DOCK9: variants seen among roughly 807,000 people sequenced by gnomAD.
DOCK9 encodes dedicator of cytokinesis 9, also known as dedicator of cytokinesis protein 9.
In DOCK9, 89 loss-of-function variants were observed where a neutral mutation model predicts 263.3. The ratio of observed to expected loss-of-function variants is 0.34; its 90% CI spans 0.28 to 0.40. The LOEUF (loss-of-function observed/expected upper bound fraction) is 0.40, where lower values mean the gene tolerates loss of function less well. DOCK9 is among the 10% of genes least tolerant of loss of function. The pLI, the probability that DOCK9 is intolerant of heterozygous loss-of-function variation, is 1.00. For missense variants in DOCK9, 2,140 were observed against 2,603.4 expected, an observed-to-expected ratio of 0.82 and a Z score of 3.87; for synonymous variants, 976 against 973.1, an observed-to-expected ratio of 1.00 and a Z score of -0.06.
At chr13:98,950,146 A>C in intron 2 of DOCK9, 1 of 606,332 alleles carries the variant, frequency 1.6e-6, no homozygotes, top group South Asian at 1.9e-5. Flanking sequence ...TCTCTGCACC[A>C]GTGAAGTCAC....
chr13:98,874,704 C>G (rs1314305494), intron 27 of DOCK9, among the ~76,000 whole-genome samples: 2 of 152,286 alleles, frequency 1.3e-5, no homozygotes, highest in East Asian at 3.9e-4. Context: ...TTTAAAATGT[C>G]TGGTGAATCT....
chr13:99,023,516 A>C (rs1292685052), intron 1 of DOCK9, among the ~76,000 whole-genome samples: 2 of 152,250 alleles, frequency 1.3e-5, no homozygotes, highest in Non-Finnish European at 2.9e-5. Flanking sequence ...GGTCAGATTT[A>C]CAGTTTCAGA....
intron 18 of DOCK9, among the ~76,000 whole-genome samples, 182 bp downstream of exon 18, chr13:98,887,976 C>T (rs946454764): frequency 6.6e-6 from 1 of 151,998 alleles, no homozygotes; most frequent in African/African-American, 2.4e-5. Context: ...GGAGCCAGAA[C>T]CTAAATATTC....
chr13:98,831,653 T>C lies in DOCK9; in HGVS notation c.4448A>G (p.Tyr1483Cys), dbSNP rs2092769805. The change falls in exon 40 of 53, where the codon TAT becomes TGT. Residue 1483 changes from tyrosine to cysteine, a missense_variant. Coordinates refer to ENST00000682017, the MANE Select transcript of DOCK9 (RefSeq NM_001366683.2). Reference sequence around the variant, plus strand: ...ACTGCCCATGAAGCAACTTACCTTATAAATTAAGGACCTTAAGGCAGTGAA... The same window carrying C: ...ACTGCCCATGAAGCAACTTACCTTACAAATTAAGGACCTTAAGGCAGTGAA... ...NVFTALRSLI[Y>C]KFPSTFYEGR... is the part of the protein sequence containing the mutation. 4 of 1,612,386 alleles carry C rather than the reference T, an allele frequency of 2.5e-6. No homozygotes were observed. The Admixed American group carries it at 5.0e-5, about 20-fold the overall frequency.
Position 99,023,532 on chromosome 13 carries a change from A to G in DOCK9, c.129+62691T>C, listed in dbSNP as rs573382268. Among the ~76,000 whole-genome samples, 27 of 152,372 alleles carry G rather than the reference A, an allele frequency of 1.8e-4. No individual in the cohort carries two copies. In the East Asian group the frequency reaches 5.2e-3, roughly 29 times the overall value. On this transcript the variant is annotated intron_variant, in intron 1 of 32. Coordinates refer to the DOCK9 transcript ENST00000427887. ...GTCAGATTTACAGTTTCAGAAGATG[A>G]AAAAGTTCTGGAGATGAATGGTGAT...
At chr13:98,874,310 T>G (rs752347665) in intron 27 of DOCK9, among the ~76,000 whole-genome samples, 6 of 152,270 alleles carry the variant, frequency 3.9e-5, no homozygotes, top group Admixed American at 6.5e-5. Flanking sequence ...TGCTGTTGCA[T>G]GACTCACTAC....
intron 2 of DOCK9, among the ~76,000 whole-genome samples, chr13:98,945,641 T>A (rs1431870868): frequency 5.9e-5 from 9 of 152,182 alleles, no homozygotes; most frequent in Admixed American, 2.6e-4. Flanking sequence ...CTCTTCTCTA[T>A]TCCCAGGTGA....
At chr13:98,883,941 T>A in intron 21 of DOCK9, 42 bp from the exon 22 acceptor site, 1 of 1,444,026 alleles carries the variant, frequency 6.9e-7, no homozygotes, top group Non-Finnish European at 9.6e-7. Context: ...ACAGATTAGT[T>A]ATTTTGGCTC....
intron 26 of DOCK9, 103 bp downstream of exon 26, chr13:98,880,444 T>C (rs1260040438): frequency 3.4e-6 from 5 of 1,468,382 alleles, no homozygotes; most frequent in Admixed American, 1.9e-5. Context: ...TAGGGAGTGG[T>C]GTTTGTCTCT....
In DOCK9 at chr13:98,805,155, T is replaced by C; in HGVS notation, c.5569A>G (p.Ile1857Val). ...KYAYIQVTHV[I>V]PFFDEKELQE... ...AACTCTTTTTCGTCAAAGAAGGGGA[T>C]GACGTGAGTCACCTGGATGTATGCA... The change falls in exon 49 of 53, where the codon ATC becomes GTC. Residue 1857 changes from isoleucine to valine, a missense_variant. Around this residue, in one of 2 missense-constraint regions of DOCK9, gnomAD observed 619 missense variants for 861.8 expected, o/e 0.72. Transcript: ENST00000682017. 2.5e-6 allele frequency: 4 copies of C among 1,608,548 alleles called. No homozygotes were observed. The highest frequency in any genetic ancestry group is 2.5e-6 in the Non-Finnish European group (3 of 1,177,036).
intron 45 of DOCK9, among the ~76,000 whole-genome samples, chr13:98,822,489 ACACTCCAGAGGTCTGACTCGG>A (rs2092330645): frequency 6.6e-6 from 1 of 152,198 alleles, no homozygotes; most frequent in South Asian, 2.1e-4. Context: ...ACAAAATGGT[ACACTCCAGAGGTCTGACTCGG>A]CAGAGGTGCC....
At position 98,904,649 on chromosome 13, in the gene DOCK9, A is replaced by G. The variant is rs541331280; in HGVS notation, c.1018T>C (p.Leu340=). ...KSESRVKLFY[L]DPDAQKLDFS... ...GTTCTTACCTGGGCATCTGGGTCCA[A>G]ATAAAAAAGTTTGACTCTGCTTTCA... The change falls in exon 10 of 53, where the codon TTG becomes CTG. Residue 340 remains leucine (L), a synonymous_variant. Coordinates refer to ENST00000682017, the MANE Select transcript of DOCK9 (RefSeq NM_001366683.2). 7 of 1,557,108 alleles carry G rather than the reference A, an allele frequency of 4.5e-6. No homozygotes were observed. In the East Asian group the frequency reaches 7.1e-5, roughly 16 times the overall value.
intron 45 of DOCK9, among the ~76,000 whole-genome samples, chr13:98,817,516 T>A (rs1217432898): frequency 6.8e-6 from 1 of 147,098 alleles, no homozygotes; most frequent in African/African-American, 2.6e-5. Flanking sequence ...TGGTCTTGAA[T>A]TCCTGGGTTC....
At chr13:98,944,413 C>T (rs1349407798) in intron 2 of DOCK9, among the ~76,000 whole-genome samples, 1 of 148,272 alleles carries the variant, frequency 6.7e-6, no homozygotes, top group African/African-American at 2.5e-5. Flanking sequence ...CTACTACCCT[C>T]AGCAGGCTGA....
intron 1 of DOCK9, among the ~76,000 whole-genome samples, chr13:98,977,224 A>T (rs1875037276): frequency 6.6e-6 from 1 of 152,240 alleles, no homozygotes; most frequent in African/African-American, 2.4e-5. Context: ...TTAAGAACAG[A>T]AACGTTTCTA....
chr13:98,851,489 C>T (rs1010945872), intron 35 of DOCK9, among the ~76,000 whole-genome samples: 3 of 152,208 alleles, frequency 2.0e-5, no homozygotes, highest in Admixed American at 2.0e-4. Flanking sequence ...CCTCAGCACA[C>T]ACCAGACGAA....
In DOCK9 at chr13:98,902,466, G is replaced by T. The variant is rs371329273; in HGVS notation, c.1202C>A (p.Ser401Tyr). 1.2e-6 allele frequency: 2 copies of T among 1,613,838 alleles called. No individual in the cohort carries two copies. Among genetic ancestry groups the T allele is most frequent in the African/African-American group, 2.7e-5 (2 of 74,912 alleles). ...TNVEPFFVTL[S>Y]LFDIKYNRKI... The stretch of plus-strand genomic sequence containing the variant: ...CCGGTTGTATTTTATGTCAAACAGG[G>T]ATAGAGTAACAAAGAAAGGTTCAAC... The change falls in exon 12 of 53, where the codon TCC (serine) becomes TAC (tyrosine). Residue 401 changes from serine to tyrosine, a missense_variant. Coordinates refer to ENST00000682017, the MANE Select transcript of DOCK9 (RefSeq NM_001366683.2).
chr13:99,075,236 G>C (rs886625828), intron 1 of DOCK9, among the ~76,000 whole-genome samples: 1 of 151,656 alleles, frequency 6.6e-6, no homozygotes, highest in African/African-American at 2.4e-5. Flanking sequence ...GTTCATCTGT[G>C]AGTTTTTTCA....
intron 7 of DOCK9, 128 bp downstream of exon 7, chr13:98,920,826 A>T: frequency 2.2e-6 from 2 of 911,224 alleles, no homozygotes; most frequent in Non-Finnish European, 3.2e-6. Flanking sequence ...TGCCTCATTT[A>T]AAGTTATATG....
Sources: gnomAD v4.1 joint callset for allele counts (sites outside exome capture counted in the v4.1 genomes callset) on GRCh38, gnomAD v4.1.1 for gene constraint, gnomAD v4.1.1 regional missense constraint, MANE v1.5 for transcripts, NCBI Gene and HGNC (gene_info 2026-07-23, HGNC 2026-07-21) for gene names.